PRRX1: variants seen among roughly 807,000 people sequenced by gnomAD.
The protein encoded by PRRX1 is paired related homeobox 1.
A neutral mutation model predicts 24.0 loss-of-function variants in PRRX1; 8 were observed. The ratio of observed to expected loss-of-function variants is 0.33; its 90% CI spans 0.20 to 0.60. The LOEUF (loss-of-function observed/expected upper bound fraction) is 0.60. Among genes scored for constraint, PRRX1 ranks in the 20% least tolerant of loss-of-function variants. The probability of loss-of-function intolerance (pLI) is 0.82; values close to 1 mark genes in which losing one functional copy is unlikely to be tolerated. For missense variants in PRRX1, 281 were observed against 322.4 expected (o/e 0.87, Z 0.98); for synonymous variants, 160 against 131.7 (o/e 1.22, Z -1.47).
chr1:170,696,631 C>T (rs530300165), intron 1 of PRRX1, among the ~76,000 whole-genome samples: 6 of 152,174 alleles, frequency 3.9e-5, no homozygotes, highest in Admixed American at 3.9e-4. Flanking sequence ...GGTAGGAAAA[C>T]CTATAAAATT....
At chr1:170,716,016 G>T (rs988495114) in intron 1 of PRRX1, among the ~76,000 whole-genome samples, 1 of 152,116 alleles carries the variant, frequency 6.6e-6, no homozygotes, top group Admixed American at 6.5e-5. Context: ...TCCCAAGTCC[G>T]CATTGTGATT....
chr1:170,716,154 C>T (rs901958828), intron 1 of PRRX1, among the ~76,000 whole-genome samples: 4 of 152,188 alleles, frequency 2.6e-5, no homozygotes, highest in African/African-American at 9.7e-5. Flanking sequence ...AGCAAGACTA[C>T]ACCTATTTAT....
chr1:170,709,577 A>G (rs888051103), intron 1 of PRRX1, among the ~76,000 whole-genome samples: 5 of 152,020 alleles, frequency 3.3e-5, no homozygotes, highest in Non-Finnish European at 5.9e-5. Context: ...GTGTACTGGA[A>G]TATTTTTTTT....
chr1:170,703,518 T>C (rs1654459127), intron 1 of PRRX1, among the ~76,000 whole-genome samples: 1 of 152,268 alleles, frequency 6.6e-6, no homozygotes, highest in Non-Finnish European at 1.5e-5. Flanking sequence ...CATTAGTTCC[T>C]GGAAAGTATA....
chr1:170,726,325 G>A lies in PRRX1; in HGVS notation c.523G>A (p.Val175Met), dbSNP rs201365132. ...ATCCTACTCAGGAGACGTGACTGCT[G>A]TGGAGCAGCCCATCGTACCTCGTCC... ...LKSYSGDVTA[V>M]EQPIVPRPAP... The change falls in exon 3 of 4, where the codon GTG (valine) becomes ATG (methionine). Residue 175 changes from valine (V) to methionine (M), a missense_variant. Transcript: ENST00000239461. The A allele has an allele frequency of 4.1e-4, 655 of 1,613,930 alleles. No homozygotes were observed. The highest frequency in any genetic ancestry group is 5.4e-4 in the Non-Finnish European group (638 of 1,179,994).
chr1:170,693,871 A>G (rs1434482074), intron 1 of PRRX1, among the ~76,000 whole-genome samples: 2 of 152,108 alleles, frequency 1.3e-5, no homozygotes, highest in African/African-American at 2.4e-5. Context: ...TGCATAGTAT[A>G]CAACTCAGGC....
intron 1 of PRRX1, among the ~76,000 whole-genome samples, chr1:170,692,521 G>GT (rs765534362): frequency 0.069 from 8,349 of 121,222 alleles, 277 homozygotes; most frequent in Middle Eastern, 0.17. Flanking sequence ...AGTTAAAGCT[G>GT]TTTTTTTTTT....
At chr1:170,730,534 A>C in intron 3 of PRRX1, 1 of 581,890 alleles carries the variant, frequency 1.7e-6, no homozygotes, top group Non-Finnish European at 3.1e-6. Flanking sequence ...GTGTGATACT[A>C]ATCTAGAGCA....
intron 1 of PRRX1, among the ~76,000 whole-genome samples, chr1:170,690,169 C>G (rs760193540): frequency 6.6e-6 from 1 of 151,786 alleles, no homozygotes; most frequent in African/African-American, 2.4e-5. Flanking sequence ...TAATGTCCCA[C>G]GCACTGTAAT....
chr1:170,663,045 T>C (rs1652777018), upstream of PRRX1: 1 of 150,836 alleles, frequency 6.6e-6, no homozygotes, highest in Non-Finnish European at 1.5e-5. Context: ...TCTCTCTTTC[T>C]CTCTCTCTCT....
intron 1 of PRRX1, among the ~76,000 whole-genome samples, chr1:170,715,563 A>G (rs1654881047): frequency 6.6e-6 from 1 of 152,220 alleles, no homozygotes; most frequent in Non-Finnish European, 1.5e-5. Context: ...TGTTTTAGGA[A>G]CAGAGAGATT....
intron 1 of PRRX1, among the ~76,000 whole-genome samples, chr1:170,712,266 AAAATGCCCCAAATGGAACTTTTGGGGC>A (rs1273865372): frequency 6.6e-6 from 1 of 152,158 alleles, no homozygotes; most frequent in Admixed American, 6.5e-5. Context: ...TAATAGCAAA[AAAATGCCCCAAATGGAACTTTTGGGGC>A]AAACACCTGT....
intron 1 of PRRX1, among the ~76,000 whole-genome samples, chr1:170,713,672 T>C (rs1204270151): frequency 6.6e-6 from 1 of 152,222 alleles, no homozygotes; most frequent in Non-Finnish European, 1.5e-5. Context: ...ATCAAAACCA[T>C]GCAAAATAAT....
chr1:170,687,469 C>T (rs531603156), intron 1 of PRRX1, among the ~76,000 whole-genome samples: 34 of 152,298 alleles, frequency 2.2e-4, no homozygotes, highest in African/African-American at 7.7e-4. Context: ...TTCGACAGAG[C>T]AGCAGGACAC....
intron 1 of PRRX1, among the ~76,000 whole-genome samples, chr1:170,689,481 G>A (rs1653855269): frequency 6.6e-6 from 1 of 152,096 alleles, no homozygotes; most frequent in South Asian, 2.1e-4. Flanking sequence ...TAGTCCATGG[G>A]GCTGCAACAA....
At position 170,712,781 on chromosome 1, in the gene PRRX1, C is replaced by G. The variant is rs376733970; in HGVS notation, c.242-6945C>G. Among the ~76,000 whole-genome samples, 29 of 152,312 alleles carry G rather than the reference C, an allele frequency of 1.9e-4. No homozygotes were observed. The South Asian group carries it at 5.4e-3, about 28-fold the overall frequency. On this transcript the variant is annotated intron_variant, in intron 1 of 3. Transcript: ENST00000239461. Reference sequence around the variant, plus strand: ...CCACACAGCTAGTCAGTGGCAGGATCTGTATGAGAACAAAGGTTGTTCTTA... The same window carrying G: ...CCACACAGCTAGTCAGTGGCAGGATGTGTATGAGAACAAAGGTTGTTCTTA...
At chr1:170,735,618 C>T (rs1352097659) in intron 3 of PRRX1, among the ~76,000 whole-genome samples, 1 of 151,988 alleles carries the variant, frequency 6.6e-6, no homozygotes, top group Non-Finnish European at 1.5e-5. Context: ...AGCAAAATTC[C>T]CTTTAGTTTA....
intron 1 of PRRX1, among the ~76,000 whole-genome samples, chr1:170,694,482 A>G (rs1248816182): frequency 6.6e-6 from 1 of 152,186 alleles, no homozygotes; most frequent in Non-Finnish European, 1.5e-5. Context: ...TTATATTTCC[A>G]TCTAGGAGAG....
rs538006259 is a variant in PRRX1, at chr1:170,721,660, C to T, written c.417+1759C>T. ...TCAGGAGGAAGTGTGAGTGCAGGTGCCCCTTTGGGCTCAAGTGAGAGTGAC... is the reference window on the plus strand; with the variant it reads ...TCAGGAGGAAGTGTGAGTGCAGGTGTCCCTTTGGGCTCAAGTGAGAGTGAC... On this transcript the variant is annotated intron_variant, in intron 2 of 3. Transcript: ENST00000239461. Among the ~76,000 whole-genome samples, 94 of 152,228 alleles carry T rather than the reference C, an allele frequency of 6.2e-4. 1 individual carries two copies. The South Asian group carries it at 0.015, about 25-fold the overall frequency.
Sources: allele counts gnomAD v4.1 joint callset (sites outside exome capture counted in the v4.1 genomes callset), GRCh38; gene constraint gnomAD v4.1.1; transcripts MANE v1.5; gene names NCBI Gene and HGNC (gene_info 2026-07-23, HGNC 2026-07-21).